The following TANC2 variants were observed in gnomAD, a reference collection of about 807,000 sequenced individuals.
The protein encoded by TANC2 is protein TANC2.
TANC2 carries 26 observed loss-of-function variants against 210.5 expected under a neutral mutation model. The observed-to-expected ratio is 0.12, with a 90% CI of 0.09 to 0.17. TANC2 has a LOEUF of 0.17. TANC2 is among the 10% of genes least tolerant of loss of function. TANC2 has a pLI of 1.00. For missense variants in TANC2, 2,129 were observed against 2,608.9 expected, an observed-to-expected ratio of 0.82 and a Z score of 4.01; for synonymous variants, 931 against 967.1, an observed-to-expected ratio of 0.96 and a Z score of 0.69.
chr17:63,422,275 G>A (rs2049044528), exon 28 of TANC2: 3 of 248,750 alleles, frequency 1.2e-5, no homozygotes, highest in Middle Eastern at 1.3e-3. Flanking sequence ...GGAGACAATC[G>A]CTTTCACTGA....
At chr17:62,999,032 C>T (rs949140491) in intron 1 of TANC2, among the ~76,000 whole-genome samples, 5 of 152,154 alleles carry the variant, frequency 3.3e-5, no homozygotes, top group African/African-American at 1.2e-4. Context: ...GGATATTTGC[C>T]CCTGCCCAAA....
chr17:63,024,346 C>T (rs530636822), intron 2 of TANC2, among the ~76,000 whole-genome samples: 2 of 152,256 alleles, frequency 1.3e-5, no homozygotes, highest in Admixed American at 6.5e-5. Flanking sequence ...TATGCCTCTC[C>T]TTTTTAGACC....
At chr17:63,095,584 A>G (rs959412515) in intron 3 of TANC2, among the ~76,000 whole-genome samples, 4 of 152,108 alleles carry the variant, frequency 2.6e-5, no homozygotes, top group Non-Finnish European at 5.9e-5. Flanking sequence ...ACTGGGCCCA[A>G]TATTGAAGAC....
At chr17:63,096,249 A>T (rs2037383340) in intron 3 of TANC2, among the ~76,000 whole-genome samples, 1 of 152,152 alleles carries the variant, frequency 6.6e-6, no homozygotes, top group Admixed American at 6.5e-5. Context: ...AGAGAGAGAA[A>T]AGAAATGTTG....
At chr17:63,041,416 A>T (rs2144263126) in intron 2 of TANC2, among the ~76,000 whole-genome samples, 1 of 152,300 alleles carries the variant, frequency 6.6e-6, no homozygotes, top group Admixed American at 6.5e-5. Flanking sequence ...AAGATACAGC[A>T]GCCTCGAAAT....
At chr17:63,334,844 G>A (rs978186882) in intron 11 of TANC2, among the ~76,000 whole-genome samples, 3 of 152,216 alleles carry the variant, frequency 2.0e-5, no homozygotes, top group African/African-American at 7.2e-5. Flanking sequence ...AGTCCTGCAG[G>A]CTGTATGAGC....
intron 9 of TANC2, among the ~76,000 whole-genome samples, chr17:63,299,049 T>G (rs1208076523): frequency 6.6e-6 from 1 of 152,208 alleles, no homozygotes; most frequent in Non-Finnish European, 1.5e-5. Flanking sequence ...TGTGTTAGTT[T>G]ACTGAGGATG....
At chr17:63,177,555 C>A (rs2040632736) in intron 5 of TANC2, among the ~76,000 whole-genome samples, 1 of 152,002 alleles carries the variant, frequency 6.6e-6, no homozygotes, top group Non-Finnish European at 1.5e-5. Flanking sequence ...AAATTAAATG[C>A]CTACAATAAT....
chr17:63,069,707 T>G (rs2036327796), intron 2 of TANC2, among the ~76,000 whole-genome samples: 1 of 143,386 alleles, frequency 7.0e-6, no homozygotes. Flanking sequence ...CTAAAAAGTT[T>G]CTTATTTTTG....
At chr17:63,280,957 T>C (rs1598764584) in intron 9 of TANC2, among the ~76,000 whole-genome samples, 1 of 152,180 alleles carries the variant, frequency 6.6e-6, no homozygotes, top group Non-Finnish European at 1.5e-5. Context: ...ATGCGCACTT[T>C]GCTAAAGCAT....
At chr17:63,154,088 G>A (rs761242112) in intron 5 of TANC2, 3 of 152,170 alleles carry the variant, frequency 2.0e-5, no homozygotes, top group Non-Finnish European at 4.4e-5. Flanking sequence ...TGCAAAAAAT[G>A]TGGGAAAAAT....
chr17:63,090,882 T>C (rs1423906268), intron 3 of TANC2, among the ~76,000 whole-genome samples: 1 of 152,210 alleles, frequency 6.6e-6, no homozygotes, highest in Non-Finnish European at 1.5e-5. Context: ...GTTTCCTGAC[T>C]TTTTAATGAT....
chr17:63,242,361 G>T (rs1027638844), intron 8 of TANC2, among the ~76,000 whole-genome samples: 1 of 151,672 alleles, frequency 6.6e-6, no homozygotes, highest in African/African-American at 2.4e-5. Flanking sequence ...CTCTCCAAAG[G>T]TTAATATTTC....
intron 5 of TANC2, among the ~76,000 whole-genome samples, chr17:63,168,998 T>C (rs1375600378): frequency 6.6e-6 from 1 of 152,238 alleles, no homozygotes; most frequent in African/African-American, 2.4e-5. Flanking sequence ...GGATTCATTA[T>C]ACATGACTGA....
chr17:63,373,190 C>G lies in TANC2; in HGVS notation c.2583-6528C>G, dbSNP rs565286964. On this transcript the variant is annotated intron_variant, in intron 14 of 27. Coordinates refer to ENST00000689528, the Ensembl canonical transcript of TANC2. ...AGACTACAGGTGAGAGCCACTGTGC[C>G]TTGGCCTCATCATCTTTAATTATAA... Among the ~76,000 whole-genome samples, 88 of 152,248 alleles carry G rather than the reference C, an allele frequency of 5.8e-4. No homozygotes were observed. The Middle Eastern group carries it at 0.017, about 29-fold the overall frequency.
At chr17:63,262,861 A>G in intron 8 of TANC2, among the ~76,000 whole-genome samples, 1 of 152,158 alleles carries the variant, frequency 6.6e-6, no homozygotes. Context: ...ATGTTTTAAA[A>G]TAAGACATTA....
At chr17:63,086,155 T>C (rs2036957833) in intron 3 of TANC2, among the ~76,000 whole-genome samples, 1 of 152,094 alleles carries the variant, frequency 6.6e-6, no homozygotes, top group African/African-American at 2.4e-5. Flanking sequence ...TGGTTTAAGA[T>C]GTTTTTGTTT....
At position 63,416,524 on chromosome 17, in the gene TANC2, T is replaced by A. The variant is rs377526625; in HGVS notation, c.4167+850T>A. On this transcript the variant is annotated intron_variant, in intron 26 of 27. Coordinates refer to ENST00000689528, the Ensembl canonical transcript of TANC2. ...ATGGCCAGGGATCTTCCAGAAAGAT[T>A]TGTGTGTGTAACCTTTAGATCATCC... 1.2e-4 allele frequency among the ~76,000 whole-genome samples: 19 copies of A among 152,312 alleles called. No individual in the cohort carries two copies. In the East Asian group the frequency reaches 3.7e-3, roughly 29 times the overall value.
chr17:63,062,273 C>G (rs2036022892), intron 2 of TANC2, among the ~76,000 whole-genome samples: 1 of 152,158 alleles, frequency 6.6e-6, no homozygotes, highest in Non-Finnish European at 1.5e-5. Context: ...ATAGCTTTCT[C>G]TTTTGTTGTT....
Sources: gnomAD v4.1 joint callset for allele counts (sites outside exome capture counted in the v4.1 genomes callset) on GRCh38, gnomAD v4.1.1 for gene constraint, MANE v1.5 for transcripts, NCBI Gene and HGNC (gene_info 2026-07-23, HGNC 2026-07-21) for gene names.